Variants in AAK1 observed in about 807,000 individuals in gnomAD.
AAK1 encodes AP2 associated kinase 1.
In AAK1, 37 loss-of-function variants were observed where a neutral mutation model predicts 116.0. That is an observed-to-expected ratio of 0.32 (90% confidence interval 0.25 to 0.42). The LOEUF (loss-of-function observed/expected upper bound fraction) is 0.42, where lower values mean the gene tolerates loss of function less well. Among genes scored for constraint, AAK1 ranks in the 10% least tolerant of loss-of-function variants. The pLI is 1.00. For missense variants in AAK1, 919 were observed against 1,170.6 expected, an observed-to-expected ratio of 0.79 and a Z score of 3.14; for synonymous variants, 458 against 439.9, an observed-to-expected ratio of 1.04 and a Z score of -0.51.
At chr2:69,486,650 G>A (rs1675312737) in intron 17 of AAK1, among the ~76,000 whole-genome samples, 1 of 152,078 alleles carries the variant, frequency 6.6e-6, no homozygotes, top group Non-Finnish European at 1.5e-5. Context: ...TCACAATGAT[G>A]GACGTCACTT....
Position 69,466,398 on chromosome 2 carries a change from T to C in AAK1, c.*9471A>G, listed in dbSNP as rs1468291376. 1 of 1,289,706 alleles carries C rather than the reference T, an allele frequency of 7.8e-7. No homozygotes were observed. Among genetic ancestry groups the C allele is most frequent in the South Asian group, 1.2e-5 (1 of 81,036 alleles). 79.9% of individuals were successfully genotyped at this position (1,289,706 alleles called of 1,614,324 possible). The stretch of plus-strand genomic sequence containing the variant: ...GAATGAGCTGTTGCTTGAAGGGCCA[T>C]CTCTGGCCAAGTAGTCAGATTCTAA... On this transcript the variant is annotated 3_prime_UTR_variant, in exon 22 of 22. Transcript: ENST00000409085.
At chr2:69,527,380 G>T in intron 8 of AAK1, 61 bp from the exon 9 acceptor site, 2 of 1,122,656 alleles carry the variant, frequency 1.8e-6, no homozygotes, top group Non-Finnish European at 2.6e-6. Flanking sequence ...TAGCTAGGAA[G>T]CATCATTCCT....
At position 69,643,124 on chromosome 2, in the gene AAK1, A is replaced by G; in HGVS notation, c.-84T>C. On this transcript the variant is annotated 5_prime_UTR_variant, in exon 2 of 22. Transcript: ENST00000409085. The stretch of plus-strand genomic sequence containing the variant: ...TTTTTTTTTTTAAGAAAAGAGATCC[A>G]AGGATTTCTTCTCAGATTTCACCTC... 1 of 1,430,208 alleles carries G rather than the reference A, an allele frequency of 7.0e-7. No individual in the cohort carries two copies. The highest frequency in any genetic ancestry group is 9.0e-7 in the Non-Finnish European group (1 of 1,105,088). 88.6% of individuals were successfully genotyped at this position (1,430,208 alleles called of 1,614,324 possible). A position where few individuals can be genotyped will look rare whatever the true frequency, so the allele number is the denominator to read the frequency against.
intron 2 of AAK1, among the ~76,000 whole-genome samples, chr2:69,606,478 C>T (rs1447907084): frequency 6.6e-6 from 1 of 152,142 alleles, no homozygotes; most frequent in Admixed American, 6.5e-5. Context: ...AGGATACACA[C>T]AGCAACTTCT....
In AAK1 at chr2:69,465,632, G is replaced by C; in HGVS notation, c.*10237C>G. ...CTGGGCTATAGTGACGGGAATACTT[G>C]GATAAGGACTGGGGGCGGAATGGTT... On this transcript the variant is annotated 3_prime_UTR_variant, in exon 22 of 22. Coordinates refer to ENST00000409085, the MANE Select transcript of AAK1 (RefSeq NM_014911.5). The C allele has an allele frequency of 7.7e-7, 1 of 1,290,948 alleles. No homozygotes were observed. Among genetic ancestry groups the C allele is most frequent in the Non-Finnish European group, 1.0e-6 (1 of 988,888 alleles). 80.0% of individuals were successfully genotyped at this position (1,290,948 alleles called of 1,614,324 possible).
chr2:69,531,079 C>T (rs970729935), intron 6 of AAK1, among the ~76,000 whole-genome samples: 2 of 152,172 alleles, frequency 1.3e-5, no homozygotes, highest in East Asian at 3.8e-4. Flanking sequence ...TGGCTCAACA[C>T]AGAGATGTAA....
chr2:69,602,659 C>A lies in AAK1; in HGVS notation c.163+40219G>T, dbSNP rs145761001. Among the ~76,000 whole-genome samples the A allele has an allele frequency of 1.4e-3, 213 of 152,208 alleles. 2 individuals carry two copies. The highest frequency in any genetic ancestry group is 4.9e-3 in the African/African-American group (205 of 41,536). On this transcript the variant is annotated intron_variant, in intron 2 of 21. Coordinates refer to ENST00000409085, the MANE Select transcript of AAK1 (RefSeq NM_014911.5). ...GAGTGAAAAGTCCAGCCCCCTGAGGCGCTCCTGACCACAGAGACTCAGGGT... is the reference window on the plus strand; with the variant it reads ...GAGTGAAAAGTCCAGCCCCCTGAGGAGCTCCTGACCACAGAGACTCAGGGT...
chr2:69,485,543 A>T (rs1279468117), intron 17 of AAK1, among the ~76,000 whole-genome samples: 2 of 152,184 alleles, frequency 1.3e-5, no homozygotes, highest in Non-Finnish European at 2.9e-5. Flanking sequence ...AAGGTAAGGA[A>T]GGGTCTTACG....
At chr2:69,596,757 G>T (rs1362086649) in intron 2 of AAK1, among the ~76,000 whole-genome samples, 2 of 152,234 alleles carry the variant, frequency 1.3e-5, no homozygotes, top group Non-Finnish European at 2.9e-5. Context: ...TCAGGTGAGT[G>T]CTGGAGAAGG....
intron 13 of AAK1, among the ~76,000 whole-genome samples, chr2:69,512,824 C>T (rs1054995243): frequency 3.9e-5 from 6 of 152,216 alleles, no homozygotes; most frequent in Admixed American, 3.9e-4. Flanking sequence ...GTAGGAGAAG[C>T]ATAGGGGAAC....
chr2:69,563,220 C>T (rs1172805610), intron 2 of AAK1, among the ~76,000 whole-genome samples: 1 of 152,120 alleles, frequency 6.6e-6, no homozygotes, highest in Non-Finnish European at 1.5e-5. Context: ...GTGCCAAGTC[C>T]CAGGGGCTGT....
intron 4 of AAK1, 94 bp downstream of exon 4, chr2:69,544,342 G>C: frequency 2.2e-6 from 2 of 891,744 alleles, no homozygotes; most frequent in East Asian, 2.5e-5. Context: ...ACATATCATA[G>C]AGTGCAGTGC....
In AAK1 at chr2:69,475,820, T is replaced by C. The variant is rs746739159; in HGVS notation, c.*49A>G. ...TTTTCATAACTCCGTAATGAAAATG[T>C]ATTTTACGGTATGAAGGTTACAGAA... On this transcript the variant is annotated 3_prime_UTR_variant, in exon 22 of 22. Transcript: ENST00000409085. 3.2e-6 allele frequency: 5 copies of C among 1,550,514 alleles called. No individual in the cohort carries two copies. Among genetic ancestry groups the C allele is most frequent in the African/African-American group, 2.7e-5 (2 of 73,262 alleles).
At chr2:69,506,624 CA>C (rs1309007747) in intron 15 of AAK1, among the ~76,000 whole-genome samples, 1 of 152,140 alleles carries the variant, frequency 6.6e-6, no homozygotes, top group African/African-American at 2.4e-5. Flanking sequence ...CTCAGCCTCC[CA>C]AAGTACTGGG....
intron 5 of AAK1, among the ~76,000 whole-genome samples, chr2:69,539,397 A>T (rs61430106): frequency 0.049 from 7,470 of 151,020 alleles, 561 homozygotes; most frequent in African/African-American, 0.17. Context: ...ACCCCATTTG[A>T]CATGGAAGGG....
intron 2 of AAK1, among the ~76,000 whole-genome samples, chr2:69,624,056 AAAG>A (rs1241545127): frequency 1.3e-5 from 2 of 152,120 alleles, no homozygotes. Context: ...GAGAAAAAGA[AAAG>A]AGAAGGAAGG....
At chr2:69,516,014 G>C (rs898689967) in intron 12 of AAK1, among the ~76,000 whole-genome samples, 1 of 152,284 alleles carries the variant, frequency 6.6e-6, no homozygotes, top group East Asian at 1.9e-4. Flanking sequence ...ATATGGGTTG[G>C]TGGGGATGGA....
chr2:69,498,066 G>A (rs1290392233), intron 16 of AAK1, among the ~76,000 whole-genome samples: 3 of 119,162 alleles, frequency 2.5e-5, no homozygotes, highest in African/African-American at 6.5e-5. Flanking sequence ...TTTTCATCTC[G>A]CTCCCTGGAC....
chr2:69,533,351 C>T (rs892674734), intron 5 of AAK1, among the ~76,000 whole-genome samples: 11 of 152,082 alleles, frequency 7.2e-5, no homozygotes, highest in South Asian at 6.2e-4. Context: ...GTGTGTCAGG[C>T]GCAAGATAGG....
Sources: allele counts gnomAD v4.1 joint callset (sites outside exome capture counted in the v4.1 genomes callset), GRCh38; gene constraint gnomAD v4.1.1; transcripts MANE v1.5; gene names NCBI Gene and HGNC (gene_info 2026-07-23, HGNC 2026-07-21).